Variants in RBFOX1 observed in about 807,000 individuals in gnomAD.
RBFOX1 encodes RNA binding fox-1 homolog 1, also known as RNA binding protein fox-1 homolog 1.
A neutral mutation model predicts 57.7 loss-of-function variants in RBFOX1; 8 were observed. That is an observed-to-expected ratio of 0.14 (90% CI 0.08 to 0.25). The LOEUF is 0.25. Ranked by LOEUF, RBFOX1 falls within the 10% of genes least tolerant of loss-of-function variation. RBFOX1 has a pLI of 1.00. For synonymous variants in RBFOX1, 326 were observed against 222.4 expected (o/e 1.47, Z -4.15); for missense variants, 611 against 548.5 (o/e 1.11, Z -1.14).
chr16:6,245,930 G>A (rs1178137759), intron 1 of RBFOX1, among the ~76,000 whole-genome samples: 1 of 152,110 alleles, frequency 6.6e-6, no homozygotes, highest in Non-Finnish European at 1.5e-5. Context: ...GCTCTCTTAA[G>A]CCTACTCAAA....
intron 4 of RBFOX1, among the ~76,000 whole-genome samples, chr16:7,121,309 T>G (rs2067131845): frequency 6.6e-6 from 1 of 152,070 alleles, no homozygotes; most frequent in Admixed American, 6.6e-5. Context: ...GGTTGGAAAT[T>G]AATATATAAG....
At chr16:7,521,603 G>A (rs2077524982) in intron 5 of RBFOX1, among the ~76,000 whole-genome samples, 1 of 152,318 alleles carries the variant, frequency 6.6e-6, no homozygotes, top group Non-Finnish European at 1.5e-5. Flanking sequence ...GTGCAGACAA[G>A]CTCTCTTTCC....
intron 3 of RBFOX1, among the ~76,000 whole-genome samples, chr16:6,971,837 A>T (rs1490236785): frequency 6.6e-6 from 1 of 152,032 alleles, no homozygotes; most frequent in Non-Finnish European, 1.5e-5. Context: ...AAGAGCAGAG[A>T]AGTGTCTGAT....
chr16:5,480,625 C>T (rs1026442917), intron 2 of RBFOX1, among the ~76,000 whole-genome samples: 7 of 152,244 alleles, frequency 4.6e-5, no homozygotes, highest in African/African-American at 1.4e-4. Flanking sequence ...AAAATTCACC[C>T]ATGGCTATGC....
chr16:5,762,090 A>G (rs1434131253), intron 3 of RBFOX1, among the ~76,000 whole-genome samples: 3 of 152,230 alleles, frequency 2.0e-5, no homozygotes, highest in African/African-American at 4.8e-5. Flanking sequence ...GTAAGAATAA[A>G]TGAATTTTCC....
At chr16:6,927,316 G>C (rs1165301010) in intron 3 of RBFOX1, among the ~76,000 whole-genome samples, 1 of 149,214 alleles carries the variant, frequency 6.7e-6, no homozygotes, top group Non-Finnish European at 1.5e-5. Flanking sequence ...GGGAGGTTGA[G>C]GCACGAGAAT....
chr16:7,441,245 G>A (rs1489927315), intron 4 of RBFOX1, among the ~76,000 whole-genome samples: 1 of 152,184 alleles, frequency 6.6e-6, no homozygotes, highest in Admixed American at 6.5e-5. Flanking sequence ...TGCAAGGCTA[G>A]GAATTTATGC....
At chr16:7,556,917 T>G (rs1488283708) in intron 5 of RBFOX1, among the ~76,000 whole-genome samples, 3 of 152,234 alleles carry the variant, frequency 2.0e-5, no homozygotes, top group African/African-American at 7.2e-5. Flanking sequence ...TTAATATCTA[T>G]CAACCATTTC....
intron 1 of RBFOX1, among the ~76,000 whole-genome samples, chr16:6,208,183 C>T (rs2097267814): frequency 1.3e-5 from 2 of 151,624 alleles, no homozygotes; most frequent in Middle Eastern, 3.2e-3. Flanking sequence ...AGAGTATGAT[C>T]CATTTTTTGT....
chr16:7,611,377 G>A (rs1039242590), intron 10 of RBFOX1, among the ~76,000 whole-genome samples: 1 of 152,138 alleles, frequency 6.6e-6, no homozygotes, highest in Non-Finnish European at 1.5e-5. Flanking sequence ...AGGAGTTGGA[G>A]ACCAGCCTGG....
At chr16:5,599,870 T>A (rs1443808208) in exon 3 of RBFOX1, 1 of 152,454 alleles carries the variant, frequency 6.6e-6, no homozygotes, top group Non-Finnish European at 1.5e-5. Context: ...AATTCTTTTA[T>A]CAAAAGATGT....
chr16:5,411,648 C>T (rs1383908048), intron 1 of RBFOX1, among the ~76,000 whole-genome samples: 1 of 152,036 alleles, frequency 6.6e-6, no homozygotes, highest in Non-Finnish European at 1.5e-5. Context: ...CACTGTGGTC[C>T]CAAGACTTTG....
intron 4 of RBFOX1, among the ~76,000 whole-genome samples, chr16:7,344,205 C>G (rs559202181): frequency 1.4e-3 from 210 of 146,876 alleles, no homozygotes; most frequent in African/African-American, 4.8e-3. Flanking sequence ...TCAAGCTTCG[C>G]TGTACTCTTC....
intron 3 of RBFOX1, among the ~76,000 whole-genome samples, chr16:5,693,206 T>C (rs573464724): frequency 6.6e-6 from 1 of 152,268 alleles, no homozygotes; most frequent in Non-Finnish European, 1.5e-5. Flanking sequence ...CTCCTGCCCA[T>C]GGGCCCTTTA....
chr16:6,995,063 A>G (rs897987281), intron 3 of RBFOX1, among the ~76,000 whole-genome samples: 1 of 151,878 alleles, frequency 6.6e-6, no homozygotes, highest in Non-Finnish European at 1.5e-5. Context: ...TTGTGACTAA[A>G]ACTCTCTGGG....
chr16:7,434,210 G>A (rs1033615288), intron 4 of RBFOX1, among the ~76,000 whole-genome samples: 1 of 152,074 alleles, frequency 6.6e-6, no homozygotes, highest in Non-Finnish European at 1.5e-5. Flanking sequence ...GGTGGCTCAC[G>A]GCTATAATCC....
At chr16:7,412,549 T>G (rs1419495815) in intron 4 of RBFOX1, among the ~76,000 whole-genome samples, 1 of 152,102 alleles carries the variant, frequency 6.6e-6, no homozygotes, top group East Asian at 1.9e-4. Flanking sequence ...AAAATAAACA[T>G]AAGCCCACAC....
chr16:7,549,226 A>G (rs971074772), intron 5 of RBFOX1, among the ~76,000 whole-genome samples: 13 of 152,246 alleles, frequency 8.5e-5, no homozygotes, highest in African/African-American at 2.4e-4. Flanking sequence ...CCCAATGCCT[A>G]TGACTTCACT....
chr16:5,985,166 T>G (rs1017112070), intron 4 of RBFOX1, among the ~76,000 whole-genome samples: 4 of 151,052 alleles, frequency 2.6e-5, no homozygotes, highest in Non-Finnish European at 5.9e-5. Flanking sequence ...ATATATATTT[T>G]TATTTTTAGT....
Sources: allele counts gnomAD v4.1 joint callset (sites outside exome capture counted in the v4.1 genomes callset), GRCh38; gene constraint gnomAD v4.1.1; transcripts MANE v1.5; gene names NCBI Gene and HGNC (gene_info 2026-07-23, HGNC 2026-07-21).